Variants in RALGAPA2 observed in about 807,000 individuals in gnomAD.
The protein encoded by RALGAPA2 is Ral GTPase activating protein catalytic subunit alpha 2, also known as ral GTPase-activating protein subunit alpha-2.
In RALGAPA2, 139 loss-of-function variants were observed where a neutral mutation model predicts 230.4. The observed-to-expected ratio is 0.60, with a 90% confidence interval of 0.53 to 0.69. The LOEUF is 0.69. Ranked by LOEUF, RALGAPA2 falls within the 30% of genes least tolerant of loss-of-function variation. RALGAPA2 has a pLI of 0.00. For missense variants in RALGAPA2, 2,163 were observed against 2,276.0 expected, an observed-to-expected ratio of 0.95 and a Z score of 1.01; for synonymous variants, 847 against 837.8, an observed-to-expected ratio of 1.01 and a Z score of -0.19.
intron 1 of RALGAPA2, among the ~76,000 whole-genome samples, chr20:20,709,254 G>A (rs2069743135): frequency 6.6e-6 from 1 of 152,096 alleles, no homozygotes. Flanking sequence ...AGGAGGCGGA[G>A]GTTGCAGTGA....
At chr20:20,463,639 A>G (rs1268778666) in intron 37 of RALGAPA2, among the ~76,000 whole-genome samples, 1 of 152,132 alleles carries the variant, frequency 6.6e-6, no homozygotes, top group African/African-American at 2.4e-5. Flanking sequence ...CCTGTGTTTT[A>G]AAATTTATAA....
At chr20:20,498,276 T>C (rs553445566) in intron 35 of RALGAPA2, among the ~76,000 whole-genome samples, 1 of 152,322 alleles carries the variant, frequency 6.6e-6, no homozygotes, top group East Asian at 1.9e-4. Context: ...GTGTTTATGT[T>C]AGCTACTCCT....
intron 4 of RALGAPA2, among the ~76,000 whole-genome samples, chr20:20,645,578 C>G (rs1392856296): frequency 6.6e-6 from 1 of 152,106 alleles, no homozygotes; most frequent in Non-Finnish European, 1.5e-5. Context: ...ATTTATCTGG[C>G]AATTTGTTAC....
At chr20:20,617,067 GA>G (rs2066168163) in intron 12 of RALGAPA2, among the ~76,000 whole-genome samples, 1 of 152,200 alleles carries the variant, frequency 6.6e-6, no homozygotes, top group Non-Finnish European at 1.5e-5. Context: ...ATCATCTGCA[GA>G]TATTCTGAGT....
At position 20,712,629 on chromosome 20, in the gene RALGAPA2, C is replaced by G; in HGVS notation, c.-149G>C. ...GCCGCCGCCGCCGCCGCCGCCGCCG[C>G]CTCAGCTGTGTCTCCAGGAAGGAGG... On this transcript the variant is annotated 5_prime_UTR_variant, in exon 1 of 40. Coordinates refer to ENST00000202677, the MANE Select transcript of RALGAPA2 (RefSeq NM_020343.4). The surrounding 1 kb of genome is among the most constrained non-coding windows in gnomAD (Gnocchi z 5.5). 8.4e-7 allele frequency: 1 copy of G among 1,188,572 alleles called. No homozygotes were observed. The highest frequency in any genetic ancestry group is 1.0e-6 in the Non-Finnish European group (1 of 956,308). The allele number at this position is 1,188,572 out of a possible 1,614,324, so 73.6% of individuals were successfully genotyped here. A position where few individuals can be genotyped will look rare whatever the true frequency, so the allele number is the denominator to read the frequency against.
intron 35 of RALGAPA2, among the ~76,000 whole-genome samples, chr20:20,502,619 C>T (rs2062409910): frequency 6.6e-6 from 1 of 152,214 alleles, no homozygotes; most frequent in Non-Finnish European, 1.5e-5. Context: ...CCCCAGTGGC[C>T]AGCTTTGGTC....
rs2066975991 is a variant in RALGAPA2, at chr20:20,639,889, G to T, written c.562C>A (p.Pro188Thr). Residue 188 changes from proline (P) to threonine (T), a missense_variant, in exon 7 of 40, where the codon CCA becomes ACA. Physicochemically the swap from Pro to Thr is conservative, Grantham distance 38. Transcript: ENST00000202677. ...GGTAGGAGTGGAGTGATTTCTTCTGGATATATCTTTACTGAAAGGACAGAA... is the reference window on the plus strand; with the variant it reads ...GGTAGGAGTGGAGTGATTTCTTCTGTATATATCTTTACTGAAAGGACAGAA... ...SPSVADVKIYPEEITPLLPAI... is the reference protein window; with the variant it reads ...SPSVADVKIYTEEITPLLPAI... 1 of 1,609,690 alleles carries T rather than the reference G, an allele frequency of 6.2e-7. No homozygotes were observed. Among genetic ancestry groups the T allele is most frequent in the Non-Finnish European group, 8.5e-7 (1 of 1,176,116 alleles).
Position 20,562,647 on chromosome 20 carries a change from T to C in RALGAPA2, c.3156+8811A>G, listed in dbSNP as rs547377398. Reference sequence around the variant, plus strand: ...TTCTGGCCTGTCAGGTAGATTTTCTTCTCTCTGGATCAGCCTCCATGCTAT... The same window carrying C: ...TTCTGGCCTGTCAGGTAGATTTTCTCCTCTCTGGATCAGCCTCCATGCTAT... On this transcript the variant is annotated intron_variant, in intron 23 of 39. Coordinates refer to ENST00000202677, the MANE Select transcript of RALGAPA2 (RefSeq NM_020343.4). Among the ~76,000 whole-genome samples the C allele has an allele frequency of 3.9e-5, 6 of 152,310 alleles. No homozygotes were observed. In the South Asian group the frequency reaches 1.0e-3, roughly 26 times the overall value.
At chr20:20,441,647 A>G (rs2060743138) in intron 37 of RALGAPA2, among the ~76,000 whole-genome samples, 1 of 152,248 alleles carries the variant, frequency 6.6e-6, no homozygotes, top group South Asian at 2.1e-4. Context: ...AGCACTGGCC[A>G]TCAGCCTCAG....
Position 20,536,746 on chromosome 20 carries a change from CAG to C in RALGAPA2, c.3322_3323del (p.Leu1108GlyfsTer21), listed in dbSNP as rs1489231031. On this transcript the variant is annotated frameshift_variant, in exon 25 of 40. Coordinates refer to ENST00000202677, the MANE Select transcript of RALGAPA2 (RefSeq NM_020343.4). LOFTEE classifies it high-confidence loss of function. ...RSEAVTVLGSLVCFPNTYQEI... is the reference protein window; with the variant it reads ...RSEAVTVLGSXVCFPNTYQEI... ...CCTGGTAGGTATTTGGAAAGCAGAC[CAG>C]AGAGCCGAGGACAGTGACAGCCTCT... 3 of 1,612,810 alleles carry C rather than the reference CAG, an allele frequency of 1.9e-6. No individual in the cohort carries two copies. Among genetic ancestry groups the C allele is most frequent in the Non-Finnish European group, 2.5e-6 (3 of 1,179,116 alleles).
At position 20,412,069 on chromosome 20, in the gene RALGAPA2, G is replaced by C; in HGVS notation, c.5575C>G (p.Gln1859Glu). The C allele has an allele frequency of 6.2e-7, 1 of 1,613,922 alleles. No individual in the cohort carries two copies. Residue 1859 changes from glutamine (Q) to glutamate (E), a missense_variant, in exon 38 of 40, where the codon CAA (glutamine) becomes GAA (glutamate). Gln to Glu is a conservative substitution (Grantham distance 29, BLOSUM62 2). Transcript: ENST00000202677. Reference protein sequence around the residue: ...EVMTFEDFAAQVFSPSPSYSL... With the variant: ...EVMTFEDFAAEVFSPSPSYSL... ...TAGCTGGGAGAGGGAGAAAAGACTT[G>C]GGCTGCGAAATCCTCGAATGTCATT...
chr20:20,696,606 C>T (rs1046850442), intron 1 of RALGAPA2, among the ~76,000 whole-genome samples: 1 of 152,066 alleles, frequency 6.6e-6, no homozygotes, highest in African/African-American at 2.4e-5. Flanking sequence ...CTCCCACCCC[C>T]GCTCCTTTCC....
intron 24 of RALGAPA2, among the ~76,000 whole-genome samples, chr20:20,538,478 A>G (rs2063556228): frequency 6.6e-6 from 1 of 152,234 alleles, no homozygotes; most frequent in Admixed American, 6.5e-5. Context: ...GTGAAAGGGC[A>G]AAATCAAAGA....
Position 20,643,553 on chromosome 20 carries a change from A to T in RALGAPA2, c.329-4T>A. 1 of 1,465,426 alleles carries T rather than the reference A, an allele frequency of 6.8e-7. No individual in the cohort carries two copies. The highest frequency in any genetic ancestry group is 9.2e-7 in the Non-Finnish European group (1 of 1,084,386). The allele number at this position is 1,465,426 out of a possible 1,614,324, so 90.8% of individuals were successfully genotyped here. On this transcript the variant is annotated splice_region_variant and splice_polypyrimidine_tract_variant and intron_variant, in intron 4 of 39. Coordinates refer to ENST00000202677, the MANE Select transcript of RALGAPA2 (RefSeq NM_020343.4). ...AGAAGCTTCTTTAAAGTTGAGCCTG[A>T]AAGTTTAAAATAATGAATTATAAAT... is the stretch of plus-strand genomic sequence containing the variant.
intron 7 of RALGAPA2, among the ~76,000 whole-genome samples, chr20:20,639,554 G>A (rs1013442047): frequency 5.9e-5 from 9 of 152,172 alleles, no homozygotes; most frequent in Middle Eastern, 3.2e-3. Context: ...TAGGAAAGGA[G>A]TAAAGAGAGA....
chr20:20,503,409 A>C lies in RALGAPA2; in HGVS notation c.5150T>G (p.Val1717Gly). 6.2e-7 allele frequency: 1 copy of C among 1,606,354 alleles called. No individual in the cohort carries two copies. The highest frequency in any genetic ancestry group is 1.3e-5 in the African/African-American group (1 of 74,502). ...CATTCGAGTGGAAACATGGAAAATC[A>C]CTTCCACAGTTGAGGTAGCATAGTA... is the stretch of plus-strand genomic sequence containing the variant. ...APYYATSTVE[V>G]IFHVSTRMPS... is the part of the protein sequence containing the mutation. The change falls in exon 35 of 40, where the codon GTG becomes GGG. Residue 1717 changes from valine to glycine, a missense_variant. By Grantham distance (109) the Val-to-Gly change is moderately radical. Transcript: ENST00000202677.
chr20:20,644,232 TG>T (rs2067135719), intron 4 of RALGAPA2, among the ~76,000 whole-genome samples: 1 of 152,222 alleles, frequency 6.6e-6, no homozygotes, highest in Non-Finnish European at 1.5e-5. Context: ...AAAAAGGAGA[TG>T]ATCTTTTAAA....
intron 16 of RALGAPA2, among the ~76,000 whole-genome samples, chr20:20,592,192 G>T (rs2065312142): frequency 1.3e-5 from 2 of 151,896 alleles, no homozygotes; most frequent in African/African-American, 4.8e-5. Context: ...CCTCTCCATG[G>T]TCCATCTAAA....
chr20:20,676,340 C>A, intron 2 of RALGAPA2, 52 bp from the exon 3 acceptor site: 1 of 1,253,486 alleles, frequency 8.0e-7, no homozygotes, highest in Non-Finnish European at 1.1e-6. Context: ...AACTTCAGGA[C>A]ACTACAAATT....
Sources: allele counts gnomAD v4.1 joint callset (sites outside exome capture counted in the v4.1 genomes callset), GRCh38; gene constraint gnomAD v4.1.1; non-coding constraint Gnocchi (gnomAD v3.1); transcripts MANE v1.5; gene names NCBI Gene and HGNC (gene_info 2026-07-23, HGNC 2026-07-21).